Variants in AGBL1 observed in about 807,000 individuals in gnomAD.
AGBL1 encodes the protein AGBL carboxypeptidase 1.
A neutral mutation model predicts 118.9 loss-of-function variants in AGBL1; 130 were observed. The ratio of observed to expected loss-of-function variants is 1.09; its 90% CI spans 0.95 to 1.26. The LOEUF is 1.26. Among genes scored for constraint, AGBL1 ranks in the 50% most tolerant of loss-of-function variants. The probability of loss-of-function intolerance (pLI) is 0.00; values close to 1 mark genes in which losing one functional copy is unlikely to be tolerated. For synonymous variants in AGBL1, 555 were observed against 478.9 expected, an observed-to-expected ratio of 1.16 and a Z score of -2.08; for missense variants, 1,584 against 1,298.1, an observed-to-expected ratio of 1.22 and a Z score of -3.38.
chr15:86,986,175 C>G (rs546732081), intron 23 of AGBL1, among the ~76,000 whole-genome samples: 2 of 152,270 alleles, frequency 1.3e-5, no homozygotes, highest in South Asian at 4.1e-4. Flanking sequence ...CCACCCGCCT[C>G]GGCCTCCCAA....
chr15:87,005,484 G>A (rs2081488788), intron 24 of AGBL1, among the ~76,000 whole-genome samples: 1 of 152,072 alleles, frequency 6.6e-6, no homozygotes, highest in Non-Finnish European at 1.5e-5. Context: ...GATCGAATTG[G>A]CTACTGAACC....
At chr15:86,744,296 G>A (rs1024624434) in intron 22 of AGBL1, among the ~76,000 whole-genome samples, 5 of 152,120 alleles carry the variant, frequency 3.3e-5, no homozygotes, top group African/African-American at 1.2e-4. Context: ...ATTCTGCCAT[G>A]TCTTTGCATT....
intron 22 of AGBL1, among the ~76,000 whole-genome samples, chr15:86,861,723 C>T (rs185081011): frequency 8.5e-4 from 129 of 152,246 alleles, no homozygotes; most frequent in African/African-American, 2.8e-3. Context: ...TAAAACATTG[C>T]CTCATCAATG....
chr15:86,497,885 G>A (rs2082873355), intron 18 of AGBL1, among the ~76,000 whole-genome samples: 1 of 151,840 alleles, frequency 6.6e-6, no homozygotes, highest in African/African-American at 2.4e-5. Context: ...TACACCATCT[G>A]CTTTCAGTCT....
chr15:86,509,297 G>A (rs555483348), intron 18 of AGBL1, among the ~76,000 whole-genome samples: 4 of 152,264 alleles, frequency 2.6e-5, no homozygotes, highest in South Asian at 2.1e-4. Flanking sequence ...AGAAGAAAAA[G>A]ATTGGGTCTG....
chr15:86,755,452 C>G (rs1474818627), intron 22 of AGBL1, among the ~76,000 whole-genome samples: 1 of 152,086 alleles, frequency 6.6e-6, no homozygotes, highest in Non-Finnish European at 1.5e-5. Context: ...GTTAAAATGC[C>G]AGGAACAAGA....
chr15:86,826,614 G>T (rs2079015284), intron 22 of AGBL1, among the ~76,000 whole-genome samples: 2 of 151,934 alleles, frequency 1.3e-5, no homozygotes, highest in African/African-American at 2.4e-5. Context: ...AAAATTTCAG[G>T]TTTTAAAATT....
chr15:86,326,499 CA>C (rs1325838643), intron 17 of AGBL1, among the ~76,000 whole-genome samples: 3 of 152,060 alleles, frequency 2.0e-5, no homozygotes, highest in Non-Finnish European at 4.4e-5. Context: ...GGTGAGGATG[CA>C]GAAAAAGAAG....
intron 18 of AGBL1, among the ~76,000 whole-genome samples, chr15:86,514,949 C>T (rs959221863): frequency 6.6e-6 from 1 of 152,130 alleles, no homozygotes; most frequent in East Asian, 1.9e-4. Flanking sequence ...TCCATATCAA[C>T]TCATTGGGAT....
At chr15:86,471,287 C>T (rs2082475390) in intron 18 of AGBL1, among the ~76,000 whole-genome samples, 1 of 152,130 alleles carries the variant, frequency 6.6e-6, no homozygotes, top group Admixed American at 6.6e-5. Context: ...GCTTTTTCTG[C>T]ATCTATTGAG....
At chr15:86,104,573 AC>A (rs1368794142) in intron 1 of AGBL1, among the ~76,000 whole-genome samples, 1 of 151,884 alleles carries the variant, frequency 6.6e-6, no homozygotes, top group East Asian at 1.9e-4. Flanking sequence ...GCACATGAAA[AC>A]GCACAGAGGT....
At chr15:86,170,651 C>T (rs2077401001) in intron 5 of AGBL1, among the ~76,000 whole-genome samples, 2 of 151,712 alleles carry the variant, frequency 1.3e-5, no homozygotes, top group Admixed American at 6.6e-5. Context: ...TCGAGACCAC[C>T]CTGGGCAACA....
intron 18 of AGBL1, among the ~76,000 whole-genome samples, chr15:86,441,122 G>C (rs116289827): frequency 1.3e-5 from 2 of 152,252 alleles, no homozygotes; most frequent in African/African-American, 4.8e-5. Context: ...GTAGGTGAAG[G>C]CTTGCTGGCA....
intron 15 of AGBL1, among the ~76,000 whole-genome samples, chr15:86,274,938 C>T (rs941756469): frequency 2.6e-5 from 4 of 152,164 alleles, no homozygotes; most frequent in Non-Finnish European, 5.9e-5. Context: ...TCTATTCCAC[C>T]TCCTGCTCTT....
intron 18 of AGBL1, among the ~76,000 whole-genome samples, chr15:86,401,221 A>AT (rs1202060803): frequency 6.6e-6 from 1 of 151,712 alleles, no homozygotes; most frequent in Admixed American, 6.6e-5. Context: ...GAAGTTGAGC[A>AT]TTTTTTTCAT....
intron 16 of AGBL1, among the ~76,000 whole-genome samples, chr15:86,282,959 AT>A (rs1255554636): frequency 1.3e-5 from 2 of 152,172 alleles, no homozygotes; most frequent in Non-Finnish European, 2.9e-5. Context: ...AACTCTCAAA[AT>A]TTTTTTATTC....
chr15:86,658,412 A>C (rs996237000), intron 21 of AGBL1, among the ~76,000 whole-genome samples: 1 of 152,202 alleles, frequency 6.6e-6, no homozygotes, highest in African/African-American at 2.4e-5. Context: ...TCTGAATAGA[A>C]ATGAACTCTA....
chr15:86,186,545 T>C (rs920567122), intron 5 of AGBL1, among the ~76,000 whole-genome samples: 4 of 152,192 alleles, frequency 2.6e-5, no homozygotes, highest in Admixed American at 1.3e-4. Context: ...AAGTGTAGTG[T>C]TAAACGTGAG....
chr15:86,156,794 C>CTTTTTTTTTTTTTTTTTTTTTTCT (rs773611214), intron 4 of AGBL1, among the ~76,000 whole-genome samples: 1 of 105,564 alleles, frequency 9.5e-6, no homozygotes, highest in African/African-American at 3.3e-5. Context: ...TCTTTTCTTT[C>CTTTTTTTTTTTTTTTTTTTTTTCT]TTTTTTTTTT....
Sources: allele counts gnomAD v4.1 joint callset (sites outside exome capture counted in the v4.1 genomes callset), GRCh38; gene constraint gnomAD v4.1.1; transcripts MANE v1.5; gene names NCBI Gene and HGNC (gene_info 2026-07-23, HGNC 2026-07-21).